Variants in AP3B1 observed in about 807,000 individuals in gnomAD.
AP3B1 encodes adaptor related protein complex 3 subunit beta 1.
Under a neutral mutation model 132.5 loss-of-function variants are expected in AP3B1, and 61 were observed. The ratio of observed to expected loss-of-function variants is 0.46; its 90% CI spans 0.37 to 0.57. The LOEUF (loss-of-function observed/expected upper bound fraction) is 0.57. Ranked by LOEUF, AP3B1 falls within the 20% of genes least tolerant of loss-of-function variation. AP3B1 has a pLI of 0.00. For synonymous variants in AP3B1, 388 were observed against 438.3 expected (o/e 0.89, Z 1.43); for missense variants, 1,120 against 1,289.4 (o/e 0.87, Z 2.01).
chr5:78,252,504 C>T (rs1580546927), intron 2 of AP3B1, among the ~76,000 whole-genome samples: 1 of 151,600 alleles, frequency 6.6e-6, no homozygotes. Context: ...AAAAGTACTG[C>T]CAGAGTTCCC....
At chr5:78,165,942 G>A (rs1025371253) in intron 11 of AP3B1, among the ~76,000 whole-genome samples, 1 of 151,974 alleles carries the variant, frequency 6.6e-6, no homozygotes, top group Non-Finnish European at 1.5e-5. Flanking sequence ...GTGGTGCATG[G>A]TGGTGCATGC....
chr5:78,088,751 C>T (rs142374666), intron 22 of AP3B1, among the ~76,000 whole-genome samples: 3 of 152,126 alleles, frequency 2.0e-5, no homozygotes, highest in African/African-American at 2.4e-5. Flanking sequence ...TTAGGCGCAG[C>T]GTGCTTGATT....
intron 22 of AP3B1, among the ~76,000 whole-genome samples, chr5:78,071,409 G>C (rs1749538143): frequency 6.6e-6 from 1 of 152,126 alleles, no homozygotes; most frequent in South Asian, 2.1e-4. Context: ...GGCCTGTCAG[G>C]GGGCACGGGA....
intron 8 of AP3B1, 84 bp from the exon 9 acceptor site, chr5:78,177,520 C>T (rs1396631375): frequency 1.0e-5 from 10 of 1,000,344 alleles, no homozygotes; most frequent in Non-Finnish European, 1.6e-5. Flanking sequence ...ACATTATTTC[C>T]TCTAAGTCCT....
At chr5:78,246,107 C>A (rs1747369293) in intron 2 of AP3B1, among the ~76,000 whole-genome samples, 1 of 152,200 alleles carries the variant, frequency 6.6e-6, no homozygotes, top group Non-Finnish European at 1.5e-5. Context: ...AGATGGAATT[C>A]CAGAGTGCCC....
chr5:78,264,405 A>T (rs1184778420), intron 2 of AP3B1, among the ~76,000 whole-genome samples: 1 of 152,210 alleles, frequency 6.6e-6, no homozygotes, highest in African/African-American at 2.4e-5. Flanking sequence ...AGTAACTCTT[A>T]AGAATCAACA....
At chr5:78,073,334 G>T (rs1749625539) in intron 22 of AP3B1, among the ~76,000 whole-genome samples, 1 of 152,086 alleles carries the variant, frequency 6.6e-6, no homozygotes, top group South Asian at 2.1e-4. Context: ...GTTTTTAAGG[G>T]GAACAGTGGT....
At chr5:78,221,000 G>C (rs1746156854) in intron 6 of AP3B1, among the ~76,000 whole-genome samples, 1 of 152,130 alleles carries the variant, frequency 6.6e-6, no homozygotes, top group Non-Finnish European at 1.5e-5. Context: ...AGTGAGCCAT[G>C]ATCACACCAC....
chr5:78,200,279 G>A (rs78083737), intron 7 of AP3B1, among the ~76,000 whole-genome samples: 3,185 of 152,094 alleles, frequency 0.021, 132 homozygotes, highest in African/African-American at 0.07. Context: ...AAGGGTTCAA[G>A]GAGGCTCCAA....
chr5:78,199,341 A>T (rs1012857676), intron 7 of AP3B1, among the ~76,000 whole-genome samples: 2 of 152,216 alleles, frequency 1.3e-5, no homozygotes, highest in Non-Finnish European at 2.9e-5. Context: ...AAACATGTTG[A>T]ACTTAGGTCT....
intron 2 of AP3B1, among the ~76,000 whole-genome samples, chr5:78,249,365 AAAAAATAAAAAT>A (rs1212802346): frequency 6.6e-6 from 1 of 152,194 alleles, no homozygotes; most frequent in Non-Finnish European, 1.5e-5. Context: ...ACTCCGTCTC[AAAAAATAAAAAT>A]AAAAATAAAA....
chr5:78,129,169 T>C lies in AP3B1; in HGVS notation c.1789A>G (p.Ile597Val). Reference protein sequence around the residue: ...SGALSKYAKKIFLAQKPAPLL... With the variant: ...SGALSKYAKKVFLAQKPAPLL... ...GGTGCAGGCTTTTGTGCTAGGAATA[T>C]TTTTTTGGCATATTTACTTAAAGCT... The change falls in exon 16 of 27, where the codon ATA (isoleucine) becomes GTA (valine). Residue 597 changes from isoleucine to valine, a missense_variant. Ile to Val is a conservative substitution (Grantham distance 29). This residue lies in a region of AP3B1 where 906 missense variants were observed against 997.1 expected (regional missense o/e 0.91). Coordinates refer to ENST00000255194, the MANE Select transcript of AP3B1 (RefSeq NM_003664.5). The C allele has an allele frequency of 6.2e-7, 1 of 1,612,640 alleles. No homozygotes were observed. Among genetic ancestry groups the C allele is most frequent in the Non-Finnish European group, 8.5e-7 (1 of 1,178,918 alleles).
intron 1 of AP3B1, among the ~76,000 whole-genome samples, chr5:78,275,518 C>T (rs769803394): frequency 1.6e-4 from 25 of 152,152 alleles, no homozygotes; most frequent in Non-Finnish European, 3.5e-4. Flanking sequence ...GCTCTGTCAC[C>T]AGGTTGGAGT....
intron 2 of AP3B1, among the ~76,000 whole-genome samples, chr5:78,252,203 G>C (rs1045906027): frequency 3.9e-5 from 6 of 152,184 alleles, no homozygotes; most frequent in Admixed American, 1.3e-4. Context: ...ACTACATTGA[G>C]GGCCTTGGTG....
chr5:78,227,648 G>A (rs1746454315), intron 4 of AP3B1, 116 bp from the exon 5 acceptor site: 2 of 958,956 alleles, frequency 2.1e-6, no homozygotes, highest in Non-Finnish European at 3.2e-6. Flanking sequence ...GCAAAAGAAA[G>A]CTACTTAATT....
At chr5:78,234,268 AAC>A (rs1245981260) in intron 3 of AP3B1, among the ~76,000 whole-genome samples, 1 of 152,206 alleles carries the variant, frequency 6.6e-6, no homozygotes, top group Non-Finnish European at 1.5e-5. Flanking sequence ...ATATTTGTGA[AAC>A]ACTGTTCCTT....
At position 78,141,270 on chromosome 5, in the gene AP3B1, TCA is replaced by T; in HGVS notation, c.1521_1522del (p.Cys507Ter). 1.2e-6 allele frequency: 2 copies of T among 1,613,748 alleles called. No individual in the cohort carries two copies. Among genetic ancestry groups the T allele is most frequent in the South Asian group, 1.1e-5 (1 of 91,078 alleles). ...ATCAGGGGCAATTTTAGGAACTCGT[TCA>T]CAGTTTTCTCCAATTAGCCAAAGAA... On this transcript the variant is annotated stop_gained and frameshift_variant, in exon 15 of 27. Coordinates refer to ENST00000255194, the MANE Select transcript of AP3B1 (RefSeq NM_003664.5). LOFTEE classifies it high-confidence loss of function.
At chr5:78,022,515 G>A (rs1747147342) in intron 24 of AP3B1, among the ~76,000 whole-genome samples, 1 of 152,168 alleles carries the variant, frequency 6.6e-6, no homozygotes, top group Non-Finnish European at 1.5e-5. Context: ...AATAGTCCCA[G>A]TTTATGGCTG....
chr5:78,060,409 C>T lies in AP3B1; in HGVS notation c.2578-21135G>A, dbSNP rs147453998. Among the ~76,000 whole-genome samples, 137 of 152,266 alleles carry T rather than the reference C, an allele frequency of 9.0e-4. 1 individual carries two copies. Among genetic ancestry groups the T allele is most frequent in the Non-Finnish European group, 2.2e-4 (15 of 68,012 alleles). On this transcript the variant is annotated intron_variant, in intron 22 of 26. Coordinates refer to ENST00000255194, the MANE Select transcript of AP3B1 (RefSeq NM_003664.5). ...TCTGTATCGGTCTGATAGAAACACA[C>T]ATGTAGAAGGACAAAATGTTTCTTT...
Sources: allele counts gnomAD v4.1 joint callset (sites outside exome capture counted in the v4.1 genomes callset), GRCh38; gene constraint gnomAD v4.1.1; regional missense constraint gnomAD v4.1.1; transcripts MANE v1.5; gene names NCBI Gene and HGNC (gene_info 2026-07-23, HGNC 2026-07-21).